Variants in MYO5B observed in about 807,000 individuals in gnomAD.
MYO5B encodes myosin VB, also known as unconventional myosin-Vb.
MYO5B carries 143 observed loss-of-function variants against 229.3 expected under a neutral mutation model. The observed-to-expected ratio is 0.62, with a 90% CI of 0.54 to 0.72. The LOEUF (loss-of-function observed/expected upper bound fraction) is 0.72, where lower values mean the gene tolerates loss of function less well. Ranked by LOEUF, MYO5B falls within the 30% of genes least tolerant of loss-of-function variation. MYO5B has a pLI of 0.00. For missense variants in MYO5B, 2,321 were observed against 2,331.0 expected (o/e 1.00, Z 0.09); for synonymous variants, 918 against 885.2 (o/e 1.04, Z -0.66).
chr18:50,012,727 G>T (rs1246007955), intron 4 of MYO5B, among the ~76,000 whole-genome samples: 1 of 152,188 alleles, frequency 6.6e-6, no homozygotes, highest in Non-Finnish European at 1.5e-5. Flanking sequence ...CCCTTCTGTG[G>T]CTGCTACCTT....
chr18:50,106,815 A>G (rs1268235751), intron 1 of MYO5B, among the ~76,000 whole-genome samples: 1 of 152,218 alleles, frequency 6.6e-6, no homozygotes, highest in Non-Finnish European at 1.5e-5. Flanking sequence ...GTCAGTGTCT[A>G]TTATAACAGG....
intron 1 of MYO5B, among the ~76,000 whole-genome samples, chr18:50,169,030 G>A (rs1297561697): frequency 7.9e-6 from 1 of 126,498 alleles, no homozygotes; most frequent in Non-Finnish European, 1.7e-5. Flanking sequence ...TAGGGGGCTT[G>A]GCATAGTGGC....
chr18:50,020,463 G>C (rs561029701), intron 4 of MYO5B, among the ~76,000 whole-genome samples: 1 of 152,228 alleles, frequency 6.6e-6, no homozygotes, highest in East Asian at 1.9e-4. Flanking sequence ...CTGAGCTCTG[G>C]ATCCTACCTG....
At chr18:50,031,838 T>A (rs974232103) in intron 4 of MYO5B, among the ~76,000 whole-genome samples, 2 of 152,190 alleles carry the variant, frequency 1.3e-5, no homozygotes, top group African/African-American at 4.8e-5. Context: ...TCCCTCGAAA[T>A]AATCTTTGAA....
chr18:49,943,190 G>A (rs2025335754), intron 14 of MYO5B, among the ~76,000 whole-genome samples: 1 of 134,420 alleles, frequency 7.4e-6, no homozygotes, highest in Non-Finnish European at 1.5e-5. Flanking sequence ...CACAGGAAGG[G>A]GAACATCACA....
intron 4 of MYO5B, among the ~76,000 whole-genome samples, chr18:50,002,290 G>C (rs1045504699): frequency 5.3e-5 from 8 of 152,110 alleles, no homozygotes; most frequent in African/African-American, 1.9e-4. Context: ...TCAGAACTTT[G>C]ATAAAACTAT....
intron 21 of MYO5B, among the ~76,000 whole-genome samples, chr18:49,901,193 T>C (rs2024837754): frequency 6.6e-6 from 1 of 152,164 alleles, no homozygotes; most frequent in Admixed American, 6.5e-5. Flanking sequence ...GCGACATACG[T>C]CACAGCCATC....
intron 17 of MYO5B, among the ~76,000 whole-genome samples, chr18:49,923,809 AG>A (rs1459620587): frequency 6.6e-6 from 1 of 152,138 alleles, no homozygotes; most frequent in Non-Finnish European, 1.5e-5. Flanking sequence ...TTATATACTG[AG>A]GGGGGTCCCA....
chr18:49,912,434 G>T (rs1237632537), intron 17 of MYO5B, among the ~76,000 whole-genome samples: 5 of 152,178 alleles, frequency 3.3e-5, no homozygotes, highest in Non-Finnish European at 2.9e-5. Context: ...GACTAAACAG[G>T]AAGTTTATGC....
intron 10 of MYO5B, among the ~76,000 whole-genome samples, chr18:49,965,812 T>C (rs933091017): frequency 3.1e-4 from 47 of 152,092 alleles, no homozygotes; most frequent in African/African-American, 1.1e-3. Flanking sequence ...GGAAGGGCTG[T>C]GAATATGGAG....
At chr18:49,864,733 C>T (rs866474819) in intron 27 of MYO5B, among the ~76,000 whole-genome samples, 1 of 152,228 alleles carries the variant, frequency 6.6e-6, no homozygotes, top group African/African-American at 2.4e-5. Context: ...AGAATTCCTA[C>T]AATCTAAATA....
chr18:49,984,718 C>T lies in MYO5B; in HGVS notation c.946G>A (p.Gly316Arg), dbSNP rs753558336. ...EKTRQAFTLLGVKESHQMSIF... is the reference protein window; with the variant it reads ...EKTRQAFTLLRVKESHQMSIF... ...CTTCCCCAACTAAGAAGCTCCTTAC[C>T]GAGGAGTGTGAAGGCTTGTCGAGTC... is the stretch of plus-strand genomic sequence containing the variant. The change falls in exon 8 of 40, where the codon GGA becomes AGA. Residue 316 changes from glycine to arginine, a missense_variant and splice_region_variant. Around this residue, in one of 2 missense-constraint regions of MYO5B, gnomAD observed 2,113 missense variants for 2,044.7 expected, o/e 1.03. Transcript: ENST00000285039. 1.9e-5 allele frequency: 30 copies of T among 1,605,034 alleles called. No homozygotes were observed. The Admixed American group carries it at 3.2e-4, about 17-fold the overall frequency.
At chr18:50,184,489 G>A (rs748126430) in intron 1 of MYO5B, among the ~76,000 whole-genome samples, 7 of 152,098 alleles carry the variant, frequency 4.6e-5, no homozygotes, top group Non-Finnish European at 8.8e-5. Context: ...AGAACACAGT[G>A]GTCAGAAGCT....
chr18:50,035,514 T>G (rs2026438869), intron 4 of MYO5B, among the ~76,000 whole-genome samples: 1 of 152,186 alleles, frequency 6.6e-6, no homozygotes, highest in Admixed American at 6.5e-5. Context: ...GCCTCCCTCC[T>G]CTGTGCCATA....
At chr18:50,043,043 A>G (rs1209824438) in intron 2 of MYO5B, among the ~76,000 whole-genome samples, 2 of 151,564 alleles carry the variant, frequency 1.3e-5, no homozygotes, top group Non-Finnish European at 2.9e-5. Flanking sequence ...AAAGAACTAA[A>G]AGTAGAACTA....
chr18:50,058,385 C>T (rs765466246), intron 1 of MYO5B, among the ~76,000 whole-genome samples: 1 of 152,032 alleles, frequency 6.6e-6, no homozygotes, highest in Admixed American at 6.6e-5. Flanking sequence ...CATGAGGGTC[C>T]CTGGAGCCCA....
chr18:50,129,148 C>T (rs549109036), intron 1 of MYO5B, among the ~76,000 whole-genome samples: 2 of 152,260 alleles, frequency 1.3e-5, no homozygotes, highest in African/African-American at 2.4e-5. Context: ...GCCTGATGGA[C>T]GGAGAGGGAT....
chr18:50,010,715 G>A (rs992988645), intron 4 of MYO5B, among the ~76,000 whole-genome samples: 1 of 152,188 alleles, frequency 6.6e-6, no homozygotes, highest in Admixed American at 6.5e-5. Context: ...TTATTCTAAT[G>A]TTGTCATTAG....
chr18:50,106,651 C>T (rs936842277), intron 1 of MYO5B, among the ~76,000 whole-genome samples: 3 of 152,220 alleles, frequency 2.0e-5, no homozygotes, highest in Non-Finnish European at 2.9e-5. Context: ...CTGGATGTCA[C>T]TTCCCCCAGG....
Sources: allele counts gnomAD v4.1 joint callset (sites outside exome capture counted in the v4.1 genomes callset), GRCh38; gene constraint gnomAD v4.1.1; regional missense constraint gnomAD v4.1.1; transcripts MANE v1.5; gene names NCBI Gene and HGNC (gene_info 2026-07-23, HGNC 2026-07-21).